The following PLEKHA5 variants were observed in gnomAD, a reference collection of about 807,000 sequenced individuals.
The protein encoded by PLEKHA5 is pleckstrin homology domain containing A5.
In PLEKHA5, 55 loss-of-function variants were observed where a neutral mutation model predicts 181.9. The observed-to-expected ratio is 0.30, with a 90% CI of 0.24 to 0.38. The LOEUF is 0.38. Ranked by LOEUF, PLEKHA5 falls within the 10% of genes least tolerant of loss-of-function variation. The pLI is 1.00. For missense variants in PLEKHA5, 1,432 were observed against 1,549.5 expected, an observed-to-expected ratio of 0.92 and a Z score of 1.27; for synonymous variants, 535 against 529.4, an observed-to-expected ratio of 1.01 and a Z score of -0.15.
At chr12:19,355,803 C>T (rs1393025208) in intron 26 of PLEKHA5, among the ~76,000 whole-genome samples, 1 of 151,962 alleles carries the variant, frequency 6.6e-6, no homozygotes, top group Admixed American at 6.6e-5. Flanking sequence ...TGGAAGATTT[C>T]ATTGGAAATG....
At chr12:19,305,995 G>A (rs1276545489) in intron 15 of PLEKHA5, among the ~76,000 whole-genome samples, 3 of 151,252 alleles carry the variant, frequency 2.0e-5, no homozygotes, top group African/African-American at 4.9e-5. Context: ...CAGGAGAATC[G>A]CTTGAACCCA....
intron 4 of PLEKHA5, 124 bp from the exon 5 acceptor site, chr12:19,254,921 T>C (rs773155316): frequency 2.6e-6 from 2 of 766,174 alleles, no homozygotes; most frequent in Non-Finnish European, 2.0e-6. Context: ...GGCCTGACTC[T>C]AGAGTAACTA....
At chr12:19,321,475 T>C (rs1274590816) in intron 18 of PLEKHA5, 1 of 149,120 alleles carries the variant, frequency 6.7e-6, no homozygotes, top group African/African-American at 2.5e-5. Context: ...GTGATTCTTA[T>C]GCCTCAGACA....
rs188676709 is a variant in PLEKHA5, at chr12:19,345,754, T to C, written c.2663-88T>C. 305 of 683,842 alleles carry C rather than the reference T, an allele frequency of 4.5e-4. 1 individual carries two copies. The African/African-American group carries it at 5.0e-3, about 11-fold the overall frequency. The allele number at this position is 683,842 out of a possible 1,614,324, so 42.4% of individuals were successfully genotyped here. ...CTCCAGCTTGGGCAAACAGCAAGACTTCATTTCAAAAAAACAAAAGAAATT... is the reference window on the plus strand; with the variant it reads ...CTCCAGCTTGGGCAAACAGCAAGACCTCATTTCAAAAAAACAAAAGAAATT... On this transcript the variant is annotated intron_variant, in intron 22 of 31. Transcript: ENST00000429027.
At chr12:19,153,109 G>A (rs2040845213) in intron 3 of PLEKHA5, 1 of 151,504 alleles carries the variant, frequency 6.6e-6, no homozygotes, top group African/African-American at 2.4e-5. Flanking sequence ...AGTGATAGAA[G>A]CAACTACAGC....
At chr12:19,160,491 A>G in intron 3 of PLEKHA5, among the ~76,000 whole-genome samples, 1 of 152,156 alleles carries the variant, frequency 6.6e-6, no homozygotes, top group East Asian at 1.9e-4. Context: ...GTAGAATATC[A>G]CACCAAAAAA....
intron 3 of PLEKHA5, among the ~76,000 whole-genome samples, chr12:19,157,230 A>T (rs982186333): frequency 3.9e-5 from 6 of 152,154 alleles, no homozygotes; most frequent in African/African-American, 1.4e-4. Flanking sequence ...TTAAAAATTC[A>T]AATAAATGTA....
chr12:19,281,980 C>T (rs777880304), intron 11 of PLEKHA5, among the ~76,000 whole-genome samples: 41 of 151,998 alleles, frequency 2.7e-4, no homozygotes, highest in Non-Finnish European at 4.9e-4. Flanking sequence ...GACGGGGTTT[C>T]ACTGTGTTAG....
At chr12:19,234,158 A>G (rs1246022420) in intron 3 of PLEKHA5, among the ~76,000 whole-genome samples, 1 of 152,220 alleles carries the variant, frequency 6.6e-6, no homozygotes, top group Non-Finnish European at 1.5e-5. Context: ...TTGCGCTTTT[A>G]TAACTACTGC....
chr12:19,232,119 C>T (rs1320417163), intron 3 of PLEKHA5, among the ~76,000 whole-genome samples: 2 of 152,102 alleles, frequency 1.3e-5, no homozygotes, highest in Non-Finnish European at 2.9e-5. Flanking sequence ...TTGTATTTGG[C>T]TGTATGAATG....
chr12:19,196,803 T>TTTTTTTTC (rs2052882410), intron 3 of PLEKHA5, among the ~76,000 whole-genome samples: 4 of 65,702 alleles, frequency 6.1e-5, no homozygotes, highest in African/African-American at 1.6e-4. Flanking sequence ...TGTTTTTTCT[T>TTTTTTTTC]TTTTTTTTCT....
At chr12:19,147,323 C>G (rs1235410049) in intron 3 of PLEKHA5, 1 of 152,112 alleles carries the variant, frequency 6.6e-6, no homozygotes, top group Non-Finnish European at 1.5e-5. Flanking sequence ...TTGTGAAATG[C>G]CTAGACAGTG....
At chr12:19,298,819 A>G (rs2080657062) in intron 15 of PLEKHA5, among the ~76,000 whole-genome samples, 1 of 152,106 alleles carries the variant, frequency 6.6e-6, no homozygotes. Flanking sequence ...TTCAGAAGGA[A>G]CTCACTGGGC....
At chr12:19,200,470 TATCC>T in intron 3 of PLEKHA5, 1 of 1,410,696 alleles carries the variant, frequency 7.1e-7, no homozygotes, top group East Asian at 2.6e-5. Flanking sequence ...TTGTCTTCGT[TATCC>T]AGTAGCTTTC....
At chr12:19,316,265 G>A (rs752169785) in intron 16 of PLEKHA5, among the ~76,000 whole-genome samples, 41 of 152,100 alleles carry the variant, frequency 2.7e-4, no homozygotes, top group African/African-American at 5.8e-4. Flanking sequence ...GATGAGAATG[G>A]TAGCCTGGAT....
intron 4 of PLEKHA5, among the ~76,000 whole-genome samples, chr12:19,254,733 A>G (rs1369159139): frequency 1.3e-5 from 2 of 152,182 alleles, no homozygotes; most frequent in African/African-American, 4.8e-5. Context: ...TGAGGCAGGA[A>G]AATCACTTGA....
intron 26 of PLEKHA5, among the ~76,000 whole-genome samples, chr12:19,356,662 C>CTTTTTTTTTTTTT (rs57809332): frequency 1.0e-5 from 1 of 99,820 alleles, no homozygotes; most frequent in African/African-American, 4.1e-5. Flanking sequence ...AGTTGTTTTT[C>CTTTTTTTTTTTTT]TTTTTTTTTT....
intron 27 of PLEKHA5, among the ~76,000 whole-genome samples, chr12:19,359,120 CCT>C (rs942677344): frequency 2.0e-5 from 3 of 152,108 alleles, no homozygotes; most frequent in African/African-American, 4.8e-5. Flanking sequence ...ATGAATATCC[CCT>C]CTTTCCACCG....
chr12:19,176,499 A>G (rs2047273546), intron 3 of PLEKHA5: 1 of 152,090 alleles, frequency 6.6e-6, no homozygotes, highest in African/African-American at 2.4e-5. Context: ...TCAGCATAGC[A>G]TGCTGCAGCC....
Sources: gnomAD v4.1 joint callset for allele counts (sites outside exome capture counted in the v4.1 genomes callset) on GRCh38, gnomAD v4.1.1 for gene constraint, MANE v1.5 for transcripts, NCBI Gene and HGNC (gene_info 2026-07-23, HGNC 2026-07-21) for gene names.